Variants in GPHB5 observed in about 807,000 individuals in gnomAD.
GPHB5 encodes the protein glycoprotein hormone beta-5.
In GPHB5, 7 loss-of-function variants were observed where a neutral mutation model predicts 10.1. That is an observed-to-expected ratio of 0.69 (90% CI 0.39 to 1.30). The LOEUF (loss-of-function observed/expected upper bound fraction) is 1.30. Ranked by LOEUF, GPHB5 falls within the 50% of genes most tolerant of loss-of-function variation. The pLI is 0.01. For synonymous variants in GPHB5, 68 were observed against 70.1 expected (o/e 0.97, Z 0.15); for missense variants, 161 against 169.8 (o/e 0.95, Z 0.29).
chr14:63,313,230 T>C, intron 2 of GPHB5, 114 bp from the exon 3 acceptor site: 1 of 1,005,104 alleles, frequency 9.9e-7, no homozygotes, highest in African/African-American at 1.6e-5. Flanking sequence ...ATTTACTTGT[T>C]GCTCTGTCGT....
chr14:63,316,516 G>T (rs542100813), intron 2 of GPHB5, among the ~76,000 whole-genome samples: 2 of 152,174 alleles, frequency 1.3e-5, no homozygotes, highest in Non-Finnish European at 2.9e-5. Flanking sequence ...CGCGTGTGGT[G>T]GGGGAGGAAG....
At chr14:63,318,367 T>G (rs1402213383) in intron 1 of GPHB5, among the ~76,000 whole-genome samples, 1 of 152,210 alleles carries the variant, frequency 6.6e-6, no homozygotes, top group Non-Finnish European at 1.5e-5. Flanking sequence ...TATGCATCGT[T>G]ACTAAACCAA....
At chr14:63,316,914 C>T (rs1882780520) in intron 2 of GPHB5, among the ~76,000 whole-genome samples, 1 of 152,226 alleles carries the variant, frequency 6.6e-6, no homozygotes, top group Non-Finnish European at 1.5e-5. Context: ...CCCACAGTCA[C>T]TACGTAATGT....
At chr14:63,315,737 T>A (rs1030321990) in intron 2 of GPHB5, among the ~76,000 whole-genome samples, 1 of 152,212 alleles carries the variant, frequency 6.6e-6, no homozygotes. Flanking sequence ...GGAAAATGAA[T>A]CTCATTCTTT....
chr14:63,317,829 G>T lies in GPHB5; in HGVS notation c.21C>A (p.Phe7Leu), dbSNP rs779769547. The change falls in exon 2 of 3, where the codon TTC (phenylalanine) becomes TTA (leucine). Residue 7 changes from phenylalanine to leucine, a missense_variant. By Grantham distance (22) the Phe-to-Leu change is conservative. Coordinates refer to ENST00000621500, the MANE Select transcript of GPHB5 (RefSeq NM_145171.4). ...GAAGGAGGAGGGCCATGGGGCCAAG[G>T]AAGAGGAATGCCAGCTTCATGCTGC... MKLAFLFLGPMALLLLA... is the reference protein window; with the variant it reads MKLAFLLLGPMALLLLA... 1 of 1,614,068 alleles carries T rather than the reference G, an allele frequency of 6.2e-7. No individual in the cohort carries two copies. Among genetic ancestry groups the T allele is most frequent in the South Asian group, 1.1e-5 (1 of 91,086 alleles).
chr14:63,313,156 T>C (rs971676534), intron 2 of GPHB5, 40 bp from the exon 3 acceptor site: 1 of 1,453,994 alleles, frequency 6.9e-7, no homozygotes, highest in Non-Finnish European at 9.3e-7. Flanking sequence ...CATTAGAACA[T>C]ATGATCTTGT....
chr14:63,313,092 T>C lies in GPHB5; in HGVS notation c.229A>G (p.Ile77Val), dbSNP rs1295794723. The C allele has an allele frequency of 1.9e-6, 3 of 1,602,366 alleles. No individual in the cohort carries two copies. The highest frequency in any genetic ancestry group is 1.3e-5 in the African/African-American group (1 of 74,492). Residue 77 changes from isoleucine to valine, a missense_variant, in exon 3 of 3, where the codon ATT (isoleucine) becomes GTT (valine). Physicochemically the swap from Ile to Val is conservative, Grantham distance 29 (BLOSUM62 3). Coordinates refer to ENST00000621500, the MANE Select transcript of GPHB5 (RefSeq NM_145171.4). ...GTACAGACTCGATGATGGGCTTCAA[T>C]ATAGGGGGGTTCCAGAATGGGTTTC... Reference protein sequence around the residue: ...WEKPILEPPYIEAHHRVCTYN... With the variant: ...WEKPILEPPYVEAHHRVCTYN...
At chr14:63,316,278 C>T (rs1011548180) in intron 2 of GPHB5, among the ~76,000 whole-genome samples, 6 of 152,222 alleles carry the variant, frequency 3.9e-5, no homozygotes, top group South Asian at 4.1e-4. Context: ...GCAGGTTACC[C>T]TCTGGGTCCC....
At chr14:63,317,292 C>G (rs1283657696) in intron 2 of GPHB5, among the ~76,000 whole-genome samples, 1 of 152,158 alleles carries the variant, frequency 6.6e-6, no homozygotes, top group Non-Finnish European at 1.5e-5. Flanking sequence ...TGATTCCCAG[C>G]TTTACACTGA....
rs1882817832 is a variant in GPHB5, at chr14:63,318,895, T to C, written c.-73A>G. On this transcript the variant is annotated 5_prime_UTR_variant, in exon 1 of 3. Coordinates refer to ENST00000621500, the MANE Select transcript of GPHB5 (RefSeq NM_145171.4). ...TAAGATTTCAGGAAGTCACAATGAATGGTAGAAGTTTGCCCTGGGTAAATG... is the reference window on the plus strand; with the variant it reads ...TAAGATTTCAGGAAGTCACAATGAACGGTAGAAGTTTGCCCTGGGTAAATG... 6.6e-6 allele frequency: 1 copy of C among 152,356 alleles called. No homozygotes were observed. Among genetic ancestry groups the C allele is most frequent in the Admixed American group, 6.5e-5 (1 of 15,308 alleles). The allele number at this position is 152,356 out of a possible 1,614,324, so 9.4% of individuals were successfully genotyped here. A position where few individuals can be genotyped will look rare whatever the true frequency, so the allele number is the denominator to read the frequency against.
chr14:63,317,704 C>A lies in GPHB5; in HGVS notation c.146G>T (p.Gly49Val). 6.2e-7 allele frequency: 1 copy of A among 1,614,030 alleles called. No individual in the cohort carries two copies. Among genetic ancestry groups the A allele is most frequent in the South Asian group, 1.1e-5 (1 of 91,082 alleles). Residue 49 changes from glycine to valine, a missense_variant, in exon 2 of 3, where the codon GGC (glycine) becomes GTC (valine). Coordinates refer to ENST00000621500, the MANE Select transcript of GPHB5 (RefSeq NM_145171.4). ...REFTFLAKKP[G>V]CRGLRITTDA... ...CGTGGTGATCCGAAGGCCCCTGCAG[C>A]CTGGCTTCTTGGCCAGGAAAGTAAA...
rs561637291 is a variant in GPHB5, at chr14:63,313,188, A to G, written c.205-72T>C. On this transcript the variant is annotated intron_variant, in intron 2 of 2. Coordinates refer to ENST00000621500, the MANE Select transcript of GPHB5 (RefSeq NM_145171.4). ...TTGTTTCAGTTTTTTAGTATCATTT[A>G]TCACTATCAGAAATTAACTTGTTAT... The G allele has an allele frequency of 1.0e-5, 13 of 1,262,186 alleles. No individual in the cohort carries two copies. In the East Asian group the frequency reaches 1.3e-4, roughly 12 times the overall value. The allele number at this position is 1,262,186 out of a possible 1,614,324, so 78.2% of individuals were successfully genotyped here.
At chr14:63,315,061 C>T (rs553646098) in intron 2 of GPHB5, among the ~76,000 whole-genome samples, 1 of 152,062 alleles carries the variant, frequency 6.6e-6, no homozygotes, top group East Asian at 1.9e-4. Context: ...TACCACCATG[C>T]CCGGCTAATT....
At chr14:63,315,137 G>A (rs906978075) in intron 2 of GPHB5, among the ~76,000 whole-genome samples, 3 of 151,630 alleles carry the variant, frequency 2.0e-5, no homozygotes, top group Non-Finnish European at 2.9e-5. Flanking sequence ...GGCTGGTCTC[G>A]AACTCCTGAC....
In GPHB5 at chr14:63,312,944, TC is replaced by T; in HGVS notation, c.376del (p.Glu126SerfsTer?). 1.3e-6 allele frequency: 2 copies of T among 1,552,860 alleles called. No homozygotes were observed. Among genetic ancestry groups the T allele is most frequent in the Non-Finnish European group, 1.7e-6 (2 of 1,147,646 alleles). On this transcript the variant is annotated frameshift_variant, in exon 3 of 3. Transcript: ENST00000621500. LOFTEE classifies it high-confidence loss of function. ...CTAGCGGCCTCAGATGGTCTCACAC[TC>T]CGTGGTGGCAGTGGAGCAGGCTCCG... ...DCGACSTATT[E>X]CETI
Position 63,314,956 on chromosome 14 carries a change from A to G in GPHB5, c.205-1840T>C, listed in dbSNP as rs147265111. On this transcript the variant is annotated intron_variant, in intron 2 of 2. Transcript: ENST00000621500. ...TCTCACTCTGTCGCCAGGCTGGAGT[A>G]TAGTGGCATGATCTTGGCTCACTGT... Among the ~76,000 whole-genome samples, 238 of 135,616 alleles carry G rather than the reference A, an allele frequency of 1.8e-3. 1 individual carries two copies. In the East Asian group the frequency reaches 0.039, roughly 22 times the overall value. 89.0% of individuals were successfully genotyped at this position (135,616 alleles called of 152,430 possible). A position where few individuals can be genotyped will look rare whatever the true frequency, so the allele number is the denominator to read the frequency against.
intron 2 of GPHB5, among the ~76,000 whole-genome samples, chr14:63,314,663 C>T (rs971262953): frequency 7.9e-5 from 12 of 152,046 alleles, no homozygotes; most frequent in African/African-American, 2.2e-4. Flanking sequence ...CTGCCTGCCT[C>T]GGCCTCCCAA....
intron 2 of GPHB5, among the ~76,000 whole-genome samples, chr14:63,313,598 T>C (rs943207954): frequency 2.6e-5 from 4 of 152,146 alleles, no homozygotes; most frequent in Admixed American, 6.5e-5. Context: ...CTGAAATGCC[T>C]GCAACCATTC....
intron 1 of GPHB5, 149 bp from the exon 2 acceptor site, chr14:63,317,999 C>A: frequency 1.5e-6 from 1 of 673,436 alleles, no homozygotes; most frequent in Non-Finnish European, 2.5e-6. Context: ...CCCACAAACT[C>A]CAACACAGGC....
Sources: gnomAD v4.1 joint callset for allele counts (sites outside exome capture counted in the v4.1 genomes callset) on GRCh38, gnomAD v4.1.1 for gene constraint, MANE v1.5 for transcripts, NCBI Gene and HGNC (gene_info 2026-07-23, HGNC 2026-07-21) for gene names.